Variants in CCDC144A observed in about 807,000 individuals in gnomAD.
CCDC144A encodes coiled-coil domain-containing protein 144A.
CCDC144A carries 41 observed loss-of-function variants against 143.8 expected under a neutral mutation model. That is an observed-to-expected ratio of 0.29 (90% CI 0.22 to 0.37). The LOEUF (loss-of-function observed/expected upper bound fraction) is 0.37, where lower values mean the gene tolerates loss of function less well. Ranked by LOEUF, CCDC144A falls within the 10% of genes least tolerant of loss-of-function variation. The pLI, the probability that CCDC144A is intolerant of heterozygous loss-of-function variation, is 1.00. For missense variants in CCDC144A, 637 were observed against 1,488.8 expected (o/e 0.43, Z 9.41); for synonymous variants, 242 against 517.9 (o/e 0.47, Z 7.23).
In CCDC144A at chr17:16,745,949, A is replaced by G. The variant is rs1326215341; in HGVS notation, c.3372+10306A>G. The G allele has an allele frequency of 3.2e-5, 51 of 1,605,920 alleles. No homozygotes were observed. In the South Asian group the frequency reaches 5.2e-4, roughly 16 times the overall value. On this transcript the variant is annotated intron_variant, in intron 12 of 16. Coordinates refer to ENST00000399273, the MANE Select transcript of CCDC144A (RefSeq NM_001382000.1). ...TGGAAAGCCGGTCAGGCTCGTGGTG[A>G]GCTCTGTGCCTCCTGCCGTCATCCA...
At chr17:16,733,876 G>A (rs1913870083) in intron 11 of CCDC144A, among the ~76,000 whole-genome samples, 2 of 152,168 alleles carry the variant, frequency 1.3e-5, no homozygotes, top group Admixed American at 6.5e-5. Flanking sequence ...AGTGGCTCAC[G>A]CCTGTAATCC....
At chr17:16,714,456 C>T (rs566272179) in intron 6 of CCDC144A, among the ~76,000 whole-genome samples, 31 of 152,300 alleles carry the variant, frequency 2.0e-4, no homozygotes, top group African/African-American at 7.0e-4. Context: ...GCAACTCTTG[C>T]AGTTGCTCTG....
intron 16 of CCDC144A, among the ~76,000 whole-genome samples, chr17:16,773,165 T>C: frequency 6.6e-6 from 1 of 152,020 alleles, no homozygotes; most frequent in Non-Finnish European, 1.5e-5. Context: ...ATATAATTCT[T>C]TGGCCAGGCA....
upstream of CCDC144A, among the ~76,000 whole-genome samples, chr17:16,686,036 C>T (rs898511864): frequency 2.6e-5 from 4 of 151,172 alleles, no homozygotes. Context: ...CCTGCCTCAG[C>T]CTCCCAAAGT....
intron 6 of CCDC144A, 89 bp from the exon 7 acceptor site, chr17:16,720,109 C>T: frequency 7.1e-7 from 1 of 1,411,680 alleles, no homozygotes; most frequent in Non-Finnish European, 9.4e-7. Context: ...CAAATGCAGA[C>T]ATTTTATATG....
intron 2 of CCDC144A, among the ~76,000 whole-genome samples, chr17:16,703,620 C>T (rs1270988858): frequency 3.3e-5 from 5 of 151,982 alleles, no homozygotes; most frequent in South Asian, 2.1e-4. Flanking sequence ...CTGGCTAACA[C>T]GGTGAAACCC....
chr17:16,711,018 G>A (rs539288893), intron 5 of CCDC144A, among the ~76,000 whole-genome samples: 38 of 145,922 alleles, frequency 2.6e-4, no homozygotes, highest in African/African-American at 9.7e-4. Flanking sequence ...TGAAATTTGG[G>A]AAGCATCTCA....
At chr17:16,685,066 T>C (rs1013885753), upstream of CCDC144A, among the ~76,000 whole-genome samples, 1 of 152,214 alleles carries the variant, frequency 6.6e-6, no homozygotes, top group Admixed American at 6.5e-5. Flanking sequence ...TTGAGACAGG[T>C]CTTACTCTGT....
At position 16,720,237 on chromosome 17, in the gene CCDC144A, G is replaced by A. The variant is rs543707446; in HGVS notation, c.1749+6G>A. 1.2e-4 allele frequency: 177 copies of A among 1,512,686 alleles called. No homozygotes were observed. Among genetic ancestry groups the A allele is most frequent in the Non-Finnish European group, 1.5e-4 (175 of 1,134,244 alleles). 93.7% of individuals were successfully genotyped at this position (1,512,686 alleles called of 1,614,324 possible). ...CATCTAATGAAAAGAACGAGGTATTGTAAAAAAGGAAATGATCTAAAATAT... is the reference window on the plus strand; with the variant it reads ...CATCTAATGAAAAGAACGAGGTATTATAAAAAAGGAAATGATCTAAAATAT... On this transcript the variant is annotated splice_donor_region_variant and intron_variant, in intron 7 of 16. Transcript: ENST00000399273.
At chr17:16,725,034 T>TTTG (rs1913337047) in intron 8 of CCDC144A, among the ~76,000 whole-genome samples, 1 of 95,052 alleles carries the variant, frequency 1.1e-5, no homozygotes, top group Non-Finnish European at 2.0e-5. Flanking sequence ...TTTTTTTTTT[T>TTTG]GTGTGAAATC....
intron 6 of CCDC144A, among the ~76,000 whole-genome samples, chr17:16,719,384 A>G (rs561002914): frequency 6.6e-6 from 1 of 152,280 alleles, no homozygotes; most frequent in East Asian, 1.9e-4. Flanking sequence ...AAGTTTTTTT[A>G]TTAGAAAAAA....
At chr17:16,740,727 A>G (rs1295313441) in intron 12 of CCDC144A, among the ~76,000 whole-genome samples, 22 of 152,234 alleles carry the variant, frequency 1.4e-4, no homozygotes, top group Admixed American at 1.4e-3. Context: ...AATGGAAATG[A>G]AGATTGAATC....
At chr17:16,756,855 G>GCCT (rs1416691497) in intron 12 of CCDC144A, among the ~76,000 whole-genome samples, 1 of 152,110 alleles carries the variant, frequency 6.6e-6, no homozygotes, top group African/African-American at 2.4e-5. Flanking sequence ...CATTGGTGTG[G>GCCT]CCTCCATATA....
the CCDC144A span, among the ~76,000 whole-genome samples, chr17:16,667,540 C>A: frequency 6.6e-6 from 1 of 152,164 alleles, no homozygotes; most frequent in African/African-American, 2.4e-5. Context: ...GTCCACCGCA[C>A]GTCACGTGGC....
intron 2 of CCDC144A, chr17:16,695,218 C>G (rs1400029287): frequency 1.3e-5 from 2 of 152,038 alleles, no homozygotes; most frequent in African/African-American, 4.8e-5. Context: ...ATTCATTTGT[C>G]CACTTAACAA....
chr17:16,694,895 A>G (rs1911308198), intron 2 of CCDC144A, among the ~76,000 whole-genome samples: 1 of 152,260 alleles, frequency 6.6e-6, no homozygotes, highest in Admixed American at 6.5e-5. Flanking sequence ...AGATTATCAC[A>G]ATAAATATTC....
chr17:16,704,404 G>C (rs1911924580), intron 2 of CCDC144A, among the ~76,000 whole-genome samples: 1 of 152,080 alleles, frequency 6.6e-6, no homozygotes, highest in Non-Finnish European at 1.5e-5. Context: ...GCAGTGAGCC[G>C]AGATTGCGCC....
the CCDC144A span, among the ~76,000 whole-genome samples, chr17:16,676,686 T>G: frequency 6.6e-6 from 1 of 152,086 alleles, no homozygotes; most frequent in African/African-American, 2.4e-5. Flanking sequence ...TTCTTCTACT[T>G]GTTTTTTTAA....
At position 16,729,991 on chromosome 17, in the gene CCDC144A, T is replaced by C. The variant is rs377444152; in HGVS notation, c.2106-1809T>C. ...ATATATATATATATATATATATATA[T>C]ACACACATACATTTTTTGTTTTTTT... On this transcript the variant is annotated intron_variant, in intron 9 of 16. Transcript: ENST00000399273. 7.4e-3 allele frequency among the ~76,000 whole-genome samples: 847 copies of C among 114,864 alleles called. 34 individuals carry two copies. The highest frequency in any genetic ancestry group is 0.024 in the Middle Eastern group (5 of 212). 75.4% of individuals were successfully genotyped at this position (114,864 alleles called of 152,430 possible).
Sources: allele counts gnomAD v4.1 joint callset (sites outside exome capture counted in the v4.1 genomes callset), GRCh38; gene constraint gnomAD v4.1.1; transcripts MANE v1.5; gene names NCBI Gene and HGNC (gene_info 2026-07-23, HGNC 2026-07-21).